SLC4A7: variants seen among roughly 807,000 people sequenced by gnomAD.
SLC4A7 encodes the protein solute carrier family 4 member 7.
A neutral mutation model predicts 137.6 loss-of-function variants in SLC4A7; 51 were observed. That is an observed-to-expected ratio of 0.37 (90% CI 0.30 to 0.47). The LOEUF (loss-of-function observed/expected upper bound fraction) is 0.47, where lower values mean the gene tolerates loss of function less well. Ranked by LOEUF, SLC4A7 falls within the 20% of genes least tolerant of loss-of-function variation. SLC4A7 has a pLI of 1.00. For synonymous variants in SLC4A7, 542 were observed against 518.6 expected, an observed-to-expected ratio of 1.05 and a Z score of -0.61; for missense variants, 1,247 against 1,525.4, an observed-to-expected ratio of 0.82 and a Z score of 3.04.
intron 3 of SLC4A7, among the ~76,000 whole-genome samples, chr3:27,444,016 C>T (rs1217147007): frequency 3.3e-5 from 5 of 152,088 alleles, no homozygotes; most frequent in Non-Finnish European, 7.4e-5. Context: ...GGTAAATATT[C>T]CATTTGCACT....
intron 13 of SLC4A7, among the ~76,000 whole-genome samples, chr3:27,405,717 G>A (rs900873651): frequency 1.3e-5 from 2 of 151,964 alleles, no homozygotes; most frequent in African/African-American, 4.8e-5. Context: ...AATATGATAG[G>A]CTTAATCAAT....
chr3:27,456,671 G>A (rs144006432), intron 1 of SLC4A7: 22 of 1,609,420 alleles, frequency 1.4e-5, no homozygotes, highest in Middle Eastern at 1.6e-4. Flanking sequence ...TTCTCCAGAC[G>A]AAATCTTTCC....
chr3:27,457,482 T>A (rs1483013775), intron 1 of SLC4A7, among the ~76,000 whole-genome samples: 3 of 152,176 alleles, frequency 2.0e-5, no homozygotes, highest in African/African-American at 7.2e-5. Context: ...GATATTCTGC[T>A]GGAAAGGGGA....
intron 3 of SLC4A7, 109 bp downstream of exon 3, chr3:27,448,542 C>A (rs1469715863): frequency 8.5e-6 from 7 of 823,002 alleles, no homozygotes; most frequent in East Asian, 2.6e-5. Context: ...TACAATGTGA[C>A]TACATTAATG....
At chr3:27,378,072 G>A (rs2050071754) in intron 25 of SLC4A7, among the ~76,000 whole-genome samples, 1 of 152,126 alleles carries the variant, frequency 6.6e-6, no homozygotes, top group Non-Finnish European at 1.5e-5. Context: ...AGAATATTTA[G>A]AAAAATTCTG....
At chr3:27,472,511 C>T (rs2059291800) in intron 1 of SLC4A7, among the ~76,000 whole-genome samples, 2 of 150,970 alleles carry the variant, frequency 1.3e-5, no homozygotes, top group Admixed American at 1.3e-4. Context: ...TATATAAAAA[C>T]AAAATAAAAT....
intron 1 of SLC4A7, among the ~76,000 whole-genome samples, chr3:27,478,664 C>A (rs2059575113): frequency 6.6e-6 from 1 of 151,926 alleles, no homozygotes; most frequent in African/African-American, 2.4e-5. Flanking sequence ...AAAACATCCT[C>A]TTTGGAAGAA....
chr3:27,396,929 T>C (rs2052231970), intron 18 of SLC4A7, among the ~76,000 whole-genome samples: 1 of 152,232 alleles, frequency 6.6e-6, no homozygotes, highest in Non-Finnish European at 1.5e-5. Flanking sequence ...CTTATGCTAC[T>C]GGAAATTGTT....
chr3:27,413,110 T>C (rs1296181877), intron 11 of SLC4A7, among the ~76,000 whole-genome samples: 1 of 152,160 alleles, frequency 6.6e-6, no homozygotes, highest in Non-Finnish European at 1.5e-5. Context: ...AATAATTTCA[T>C]AGTGAGCACA....
chr3:27,426,189 G>A (rs1340567756), intron 7 of SLC4A7, among the ~76,000 whole-genome samples: 2 of 152,136 alleles, frequency 1.3e-5, no homozygotes, highest in Admixed American at 1.3e-4. Flanking sequence ...TTGATGTGAC[G>A]AAAAATCTTA....
Position 27,483,918 on chromosome 3 carries a change from GGCGA to G in SLC4A7, c.60+145_60+148del. On this transcript the variant is annotated intron_variant, in intron 1 of 25. Coordinates refer to ENST00000454389, the MANE Select transcript of SLC4A7 (RefSeq NM_001321103.2). ...CCCCAGGCCGCCACACAAAGGGGAT[GGCGA>G]GGCGCGCCGGCCGCCGGGAGGTGGA... 4.3e-4 allele frequency: 152 copies of G among 356,848 alleles called. 37 individuals carry two copies. The highest frequency in any genetic ancestry group is 1.1e-3 in the South Asian group (6 of 5,530). 22.1% of individuals were successfully genotyped at this position (356,848 alleles called of 1,614,324 possible).
intron 2 of SLC4A7, among the ~76,000 whole-genome samples, chr3:27,450,154 C>A (rs2057971022): frequency 6.6e-6 from 1 of 152,090 alleles, no homozygotes; most frequent in Non-Finnish European, 1.5e-5. Context: ...TAAATAATCA[C>A]CTTTTAAATT....
chr3:27,422,948 C>A (rs1313146942), intron 8 of SLC4A7: 4 of 366,592 alleles, frequency 1.1e-5, no homozygotes, highest in Non-Finnish European at 2.2e-5. Context: ...CCTAGAGGAA[C>A]TCTATAATGT....
intron 1 of SLC4A7, among the ~76,000 whole-genome samples, chr3:27,477,900 C>A (rs908326323): frequency 1.3e-5 from 2 of 152,204 alleles, no homozygotes; most frequent in African/African-American, 4.8e-5. Context: ...CAGGCATGAG[C>A]CACCGCGCCC....
chr3:27,412,851 T>C (rs1459857763), intron 11 of SLC4A7, among the ~76,000 whole-genome samples: 2 of 151,290 alleles, frequency 1.3e-5, no homozygotes, highest in East Asian at 3.9e-4. Flanking sequence ...TTCAAGAAAA[T>C]TAAGCAATTA....
chr3:27,477,040 G>A (rs1337555995), intron 1 of SLC4A7, among the ~76,000 whole-genome samples: 1 of 152,186 alleles, frequency 6.6e-6, no homozygotes, highest in Non-Finnish European at 1.5e-5. Flanking sequence ...TGTAACATTA[G>A]CAACTTAATT....
intron 6 of SLC4A7, chr3:27,433,040 T>C (rs551527664): frequency 6.6e-6 from 1 of 152,152 alleles, no homozygotes; most frequent in African/African-American, 2.4e-5. Context: ...ATAAAAAAGA[T>C]GATTATTTTC....
At chr3:27,458,797 T>C (rs1016182157) in intron 1 of SLC4A7, among the ~76,000 whole-genome samples, 18 of 152,188 alleles carry the variant, frequency 1.2e-4, no homozygotes, top group African/African-American at 3.9e-4. Flanking sequence ...AAGACCAGCC[T>C]GGCCAACGTG....
At chr3:27,407,527 C>G (rs554737452) in intron 13 of SLC4A7, among the ~76,000 whole-genome samples, 2 of 151,750 alleles carry the variant, frequency 1.3e-5, no homozygotes, top group East Asian at 1.9e-4. Flanking sequence ...CTACCTCATT[C>G]TCACATTCAG....
Sources: gnomAD v4.1 joint callset for allele counts (sites outside exome capture counted in the v4.1 genomes callset) on GRCh38, gnomAD v4.1.1 for gene constraint, MANE v1.5 for transcripts, NCBI Gene and HGNC (gene_info 2026-07-23, HGNC 2026-07-21) for gene names.